TRAPPC12: variants seen among roughly 807,000 people sequenced by gnomAD.
TRAPPC12 encodes the protein TPR repeat protein 15.
In TRAPPC12, 61 loss-of-function variants were observed where a neutral mutation model predicts 69.2. That is an observed-to-expected ratio of 0.88 (90% confidence interval 0.72 to 1.09). TRAPPC12 has a LOEUF of 1.09. TRAPPC12 is among the 50% of genes least tolerant of loss of function. TRAPPC12 has a pLI of 0.00. For missense variants in TRAPPC12, 1,101 were observed against 1,016.4 expected (o/e 1.08, Z -1.13); for synonymous variants, 469 against 438.9 (o/e 1.07, Z -0.86).
At chr2:3,436,483 GCA>G (rs1236277695) in intron 5 of TRAPPC12, among the ~76,000 whole-genome samples, 2 of 151,994 alleles carry the variant, frequency 1.3e-5, no homozygotes, top group Admixed American at 1.3e-4. Context: ...CTTTTCTTCT[GCA>G]CAGTTTTTAA....
At chr2:3,432,541 T>A (rs1663497870) in intron 5 of TRAPPC12, among the ~76,000 whole-genome samples, 1 of 152,258 alleles carries the variant, frequency 6.6e-6, no homozygotes, top group Admixed American at 6.5e-5. Context: ...TTATTTTTCA[T>A]GACAAAATTA....
chr2:3,478,300 G>A (rs939808692), intron 10 of TRAPPC12, among the ~76,000 whole-genome samples: 1 of 152,244 alleles, frequency 6.6e-6, no homozygotes, highest in Non-Finnish European at 1.5e-5. Flanking sequence ...TTAGCAGGAA[G>A]TCATTTAGGT....
Position 3,479,455 on chromosome 2 carries a change from G to A in TRAPPC12, c.2202G>A (p.Leu734=), listed in dbSNP as rs1437661435. 2 of 1,613,786 alleles carry A rather than the reference G, an allele frequency of 1.2e-6. No individual in the cohort carries two copies. The highest frequency in any genetic ancestry group is 1.7e-6 in the Non-Finnish European group (2 of 1,179,964). Residue 734 remains leucine, a synonymous_variant, in exon 12 of 12, where the codon CTG becomes CTA. Transcript: ENST00000324266. ...GDSFNTQCLK[L]A is the part of the protein sequence containing the mutation. ...GCTTCAACACACAGTGCCTCAAGCTGGCCTAGCTGCCTCCAACACACTACG... is the reference window on the plus strand; with the variant it reads ...GCTTCAACACACAGTGCCTCAAGCTAGCCTAGCTGCCTCCAACACACTACG...
At chr2:3,470,122 G>A (rs1665996468) in intron 9 of TRAPPC12, among the ~76,000 whole-genome samples, 2 of 152,340 alleles carry the variant, frequency 1.3e-5, no homozygotes, top group African/African-American at 2.4e-5. Context: ...GTAGGGAAAC[G>A]CTTGGCAAAG....
At chr2:3,426,968 G>A (rs1663139375) in intron 5 of TRAPPC12, among the ~76,000 whole-genome samples, 1 of 152,186 alleles carries the variant, frequency 6.6e-6, no homozygotes, top group South Asian at 2.1e-4. Flanking sequence ...GCCAATTTGA[G>A]GGTCATCCTT....
chr2:3,419,881 G>A (rs1399787676), intron 3 of TRAPPC12, among the ~76,000 whole-genome samples: 1 of 152,204 alleles, frequency 6.6e-6, no homozygotes, highest in Non-Finnish European at 1.5e-5. Context: ...GCCACGGGAC[G>A]TGCAGCCGTG....
intron 6 of TRAPPC12, chr2:3,454,861 T>G (rs991409722): frequency 1.3e-5 from 2 of 152,236 alleles, no homozygotes; most frequent in Non-Finnish European, 2.9e-5. Context: ...CTGGGGTGTT[T>G]CTGCAGGGTT....
chr2:3,468,704 C>G lies in TRAPPC12; in HGVS notation c.1776+3009C>G, dbSNP rs144517568. On this transcript the variant is annotated intron_variant, in intron 9 of 11. Transcript: ENST00000324266. ...GCGGGGCAGCCACCCCATAGAGTGACTCCAGTGCACACGTGGGCACGAGGC... is the reference window on the plus strand; with the variant it reads ...GCGGGGCAGCCACCCCATAGAGTGAGTCCAGTGCACACGTGGGCACGAGGC... 7.5e-3 allele frequency among the ~76,000 whole-genome samples: 1,135 copies of G among 152,292 alleles called. 12 individuals are homozygous for G. Among genetic ancestry groups the G allele is most frequent in the African/African-American group, 0.026 (1,096 of 41,560 alleles).
chr2:3,435,876 G>A (rs946634694), intron 5 of TRAPPC12, among the ~76,000 whole-genome samples: 2 of 152,226 alleles, frequency 1.3e-5, no homozygotes, highest in African/African-American at 4.8e-5. Flanking sequence ...TGAAGGCACT[G>A]TATAGTACCG....
At chr2:3,410,283 A>G (rs1661989606) in intron 3 of TRAPPC12, among the ~76,000 whole-genome samples, 1 of 152,264 alleles carries the variant, frequency 6.6e-6, no homozygotes. Context: ...AGAAACCGTA[A>G]CAAGAGCATA....
chr2:3,421,530 A>G (rs1374506026), intron 3 of TRAPPC12, among the ~76,000 whole-genome samples: 1 of 152,280 alleles, frequency 6.6e-6, no homozygotes, highest in Non-Finnish European at 1.5e-5. Context: ...TCTTAAGATA[A>G]TCTTGCTAAA....
intron 2 of TRAPPC12, among the ~76,000 whole-genome samples, chr2:3,400,429 C>T (rs575196483): frequency 1.3e-4 from 19 of 151,938 alleles, no homozygotes; most frequent in South Asian, 6.2e-4. Context: ...GGGACCTCAG[C>T]GCTGCTTCCC....
At chr2:3,478,321 T>A (rs774556054) in intron 10 of TRAPPC12, among the ~76,000 whole-genome samples, 1 of 152,218 alleles carries the variant, frequency 6.6e-6, no homozygotes, top group Non-Finnish European at 1.5e-5. Context: ...GAAGTTACTC[T>A]ATCTCAATTA....
chr2:3,404,126 G>T (rs1285109002), intron 3 of TRAPPC12, among the ~76,000 whole-genome samples: 1 of 152,164 alleles, frequency 6.6e-6, no homozygotes, highest in Non-Finnish European at 1.5e-5. Flanking sequence ...TTTGCCTGGG[G>T]CCTGGCTCCC....
chr2:3,479,166 C>T lies in TRAPPC12; in HGVS notation c.1966-53C>T, dbSNP rs186801903. On this transcript the variant is annotated intron_variant, in intron 11 of 11. Transcript: ENST00000324266. ...GGCCCAGCACGCAGCCTGGAATGGG[C>T]GGGCGTCTGTCCTGGTTGTGTGGGC... 1,832 of 1,581,632 alleles carry T rather than the reference C, an allele frequency of 1.2e-3. 35 individuals carry two copies. The highest frequency in any genetic ancestry group is 1.8e-3 in the African/African-American group (131 of 74,510).
chr2:3,402,033 C>A, intron 3 of TRAPPC12, 140 bp downstream of exon 3: 1 of 602,006 alleles, frequency 1.7e-6, no homozygotes, highest in Non-Finnish European at 2.9e-6. Flanking sequence ...GAGTAGATGC[C>A]AGTCCTGTGC....
At chr2:3,476,646 A>T (rs1391658154) in intron 9 of TRAPPC12, among the ~76,000 whole-genome samples, 1 of 152,228 alleles carries the variant, frequency 6.6e-6, no homozygotes. Context: ...CCCATGGAGA[A>T]CCATCTCCCC....
intron 2 of TRAPPC12, chr2:3,389,083 T>G (rs190017103): frequency 2.9e-4 from 47 of 163,810 alleles, no homozygotes; most frequent in Middle Eastern, 5.9e-3. Flanking sequence ...AAAATACGCG[T>G]GACCCAAAAA....
At chr2:3,389,897 G>A (rs575054768) in intron 2 of TRAPPC12, 326 of 426,170 alleles carry the variant, frequency 7.6e-4, no homozygotes, top group Middle Eastern at 4.2e-3. Context: ...TGGCTCAGGG[G>A]CTTTTTTGGG....
Sources: gnomAD v4.1 joint callset for allele counts (sites outside exome capture counted in the v4.1 genomes callset) on GRCh38, gnomAD v4.1.1 for gene constraint, MANE v1.5 for transcripts, NCBI Gene and HGNC (gene_info 2026-07-23, HGNC 2026-07-21) for gene names.